ODAD2: variants seen among roughly 807,000 people sequenced by gnomAD.
ODAD2 encodes outer dynein arm-docking complex subunit 2.
A neutral mutation model predicts 106.8 loss-of-function variants in ODAD2; 89 were observed. That is an observed-to-expected ratio of 0.83 (90% confidence interval 0.70 to 0.99). ODAD2 has a LOEUF of 0.99. Ranked by LOEUF, ODAD2 falls within the 50% of genes least tolerant of loss-of-function variation. The probability of loss-of-function intolerance (pLI) is 0.00; values close to 1 mark genes in which losing one functional copy is unlikely to be tolerated. For missense variants in ODAD2, 1,168 were observed against 1,238.5 expected (o/e 0.94, Z 0.85); for synonymous variants, 404 against 436.2 (o/e 0.93, Z 0.92).
intron 8 of ODAD2, 82 bp downstream of exon 8, chr10:27,971,026 A>C (rs1848822254): frequency 8.1e-6 from 5 of 618,580 alleles, no homozygotes; most frequent in Non-Finnish European, 1.3e-5. Flanking sequence ...AAACAAAATA[A>C]AATAAAATAA....
At position 27,983,915 on chromosome 10, in the gene ODAD2, A is replaced by G. The variant is rs1193348086; in HGVS notation, c.747T>C (p.Tyr249=). 3 of 1,608,322 alleles carry G rather than the reference A, an allele frequency of 1.9e-6. No homozygotes were observed. Among genetic ancestry groups the G allele is most frequent in the Non-Finnish European group, 2.5e-6 (3 of 1,178,760 alleles). Residue 249 remains tyrosine, a synonymous_variant, in exon 6 of 20, where the codon TAT becomes TAC. Transcript: ENST00000305242. ...CACCATCGTGAGGTTTCACCAGCAC[A>G]TAACAAATTTCCCCACGAATTTGTC... ...PWRQIRGEIC[Y]VLVKPHDGET...
intron 19 of ODAD2, among the ~76,000 whole-genome samples, chr10:27,831,560 G>C (rs1328723737): frequency 2.0e-5 from 3 of 152,216 alleles, no homozygotes; most frequent in Non-Finnish European, 2.9e-5. Flanking sequence ...GGCATAGAAA[G>C]ATTAAGCAAC....
chr10:27,845,505 T>C (rs1014838341), intron 19 of ODAD2, among the ~76,000 whole-genome samples: 4 of 152,122 alleles, frequency 2.6e-5, no homozygotes, highest in African/African-American at 9.7e-5. Flanking sequence ...AGGAAGAAAC[T>C]GCATCAACTA....
At chr10:27,945,060 T>C in intron 10 of ODAD2, 98 bp from the exon 11 acceptor site, 2 of 1,406,622 alleles carry the variant, frequency 1.4e-6, no homozygotes, top group South Asian at 2.5e-5. Flanking sequence ...AACATGTCTC[T>C]GAGTGGGCTA....
intron 19 of ODAD2, among the ~76,000 whole-genome samples, chr10:27,819,378 A>G (rs187371530): frequency 1.3e-5 from 2 of 152,142 alleles, no homozygotes; most frequent in African/African-American, 4.8e-5. Context: ...GAGATATACT[A>G]TGAAAGATTA....
At chr10:27,905,299 C>T (rs1055672414) in intron 17 of ODAD2, 1 of 151,912 alleles carries the variant, frequency 6.6e-6, no homozygotes, top group Non-Finnish European at 1.5e-5. Flanking sequence ...CCTAGGAATA[C>T]AACTTACAAG....
At chr10:27,940,056 T>A in intron 13 of ODAD2, 49 bp from the exon 14 acceptor site, 1 of 1,287,830 alleles carries the variant, frequency 7.8e-7, no homozygotes, top group Non-Finnish European at 1.1e-6. Context: ...TGAATATAAG[T>A]AACTGTTTAC....
At chr10:27,877,718 T>C (rs1177739221) in intron 17 of ODAD2, among the ~76,000 whole-genome samples, 1 of 152,170 alleles carries the variant, frequency 6.6e-6, no homozygotes, top group Non-Finnish European at 1.5e-5. Flanking sequence ...AAAAACCTAG[T>C]CGTTGCCAGT....
At chr10:27,864,547 G>A (rs1288773647) in intron 17 of ODAD2, among the ~76,000 whole-genome samples, 1 of 150,692 alleles carries the variant, frequency 6.6e-6, no homozygotes, top group Non-Finnish European at 1.5e-5. Context: ...TGAGAGCGGG[G>A]AGTGAGGTGA....
chr10:27,820,957 T>C (rs1836563259), intron 19 of ODAD2, among the ~76,000 whole-genome samples: 2 of 152,050 alleles, frequency 1.3e-5, no homozygotes, highest in South Asian at 4.2e-4. Flanking sequence ...ATTTTGCATT[T>C]TTAGTAGAGA....
intron 16 of ODAD2, among the ~76,000 whole-genome samples, chr10:27,914,508 G>A (rs181635342): frequency 1.3e-5 from 2 of 152,026 alleles, no homozygotes; most frequent in Admixed American, 1.3e-4. Flanking sequence ...TTTGTTACTT[G>A]ACATTATTCT....
chr10:27,984,129 A>G, intron 5 of ODAD2, 55 bp downstream of exon 5: 4 of 1,509,992 alleles, frequency 2.6e-6, no homozygotes, highest in Non-Finnish European at 3.7e-6. Flanking sequence ...AGCATTTTGC[A>G]AATGTAATTA....
chr10:27,844,537 T>A (rs1404946213), intron 19 of ODAD2, among the ~76,000 whole-genome samples: 2 of 152,210 alleles, frequency 1.3e-5, no homozygotes, highest in Non-Finnish European at 2.9e-5. Flanking sequence ...GAGAGGAGCC[T>A]CTAAACCCAC....
rs778743746 is a variant in ODAD2 at position 27,935,189 on chromosome 10, T to A, written c.2316A>T (p.Val772=). The A allele has an allele frequency of 6.2e-7, 1 of 1,614,040 alleles. No individual in the cohort carries two copies. The highest frequency in any genetic ancestry group is 8.5e-7 in the Non-Finnish European group (1 of 1,179,900). Residue 772 remains valine (V), a synonymous_variant, in exon 16 of 20, where the codon GTA becomes GTT. Transcript: ENST00000305242. The part of the protein sequence containing the change: ...VGLLTDQPEE[V]LVNVVGALGE... Reference sequence around the variant, plus strand: ...CCAAGGCCCCAACCACATTCACAAGTACTTCTTCAGGCTGATCTGTTAGAA... The same window carrying A: ...CCAAGGCCCCAACCACATTCACAAGAACTTCTTCAGGCTGATCTGTTAGAA...
chr10:27,813,460 A>T (rs1238435561), intron 19 of ODAD2: 1 of 152,252 alleles, frequency 6.6e-6, no homozygotes, highest in African/African-American at 2.4e-5. Context: ...AACGTACAGT[A>T]TCTAATGCAT....
chr10:27,905,146 G>C, intron 17 of ODAD2: 1 of 213,210 alleles, frequency 4.7e-6, no homozygotes, highest in South Asian at 8.2e-5. Flanking sequence ...AAGAGAAAGG[G>C]CCAAGTGATT....
intron 16 of ODAD2, among the ~76,000 whole-genome samples, chr10:27,924,740 C>T (rs550751839): frequency 1.0e-4 from 15 of 150,478 alleles, no homozygotes; most frequent in African/African-American, 1.9e-4. Flanking sequence ...AGTTTGCAGG[C>T]CACTATTCAA....
At chr10:27,848,614 A>G (rs903071478) in intron 19 of ODAD2, among the ~76,000 whole-genome samples, 12 of 152,344 alleles carry the variant, frequency 7.9e-5, no homozygotes, top group African/African-American at 1.7e-4. Context: ...CCATCAGAGC[A>G]AACAGGCAAC....
In ODAD2 at chr10:27,885,509, CAAAA is replaced by C. The variant is rs781326915; in HGVS notation, c.2610+22150_2610+22153del. Among the ~76,000 whole-genome samples, 138 of 19,784 alleles carry C rather than the reference CAAAA, an allele frequency of 7.0e-3. 4 individuals are homozygous for C. The highest frequency in any genetic ancestry group is 0.019 in the African/African-American group (63 of 3,268). 13.0% of individuals were successfully genotyped at this position (19,784 alleles called of 152,430 possible). On this transcript the variant is annotated intron_variant, in intron 17 of 19. Coordinates refer to ENST00000305242, the MANE Select transcript of ODAD2 (RefSeq NM_018076.5). ...TGGGTGACAGAGTGAGACTCCATCT[CAAAA>C]AAAAAAAAAAAAAAAAAAAAATATA...
Sources: allele counts gnomAD v4.1 joint callset (sites outside exome capture counted in the v4.1 genomes callset), GRCh38; gene constraint gnomAD v4.1.1; transcripts MANE v1.5; gene names NCBI Gene and HGNC (gene_info 2026-07-23, HGNC 2026-07-21).